The following WDPCP variants were observed in gnomAD, a reference collection of about 807,000 sequenced individuals.
WDPCP encodes WD repeat containing planar cell polarity effector.
WDPCP carries 71 observed loss-of-function variants against 93.1 expected under a neutral mutation model. That is an observed-to-expected ratio of 0.76 (90% CI 0.63 to 0.93). The LOEUF (loss-of-function observed/expected upper bound fraction) is 0.93. Among genes scored for constraint, WDPCP ranks in the 40% least tolerant of loss-of-function variants. The pLI is 0.00. For synonymous variants in WDPCP, 315 were observed against 315.0 expected (o/e 1.00, Z 0.00); for missense variants, 844 against 887.4 (o/e 0.95, Z 0.62).
intron 1 of WDPCP, among the ~76,000 whole-genome samples, chr2:63,580,971 A>C (rs1296577709): frequency 6.6e-6 from 1 of 152,244 alleles, no homozygotes; most frequent in Non-Finnish European, 1.5e-5. Context: ...ATGTGACAAC[A>C]TGTTTAAAAG....
intron 1 of WDPCP, among the ~76,000 whole-genome samples, chr2:63,522,109 G>A (rs905893493): frequency 2.0e-5 from 3 of 151,828 alleles, no homozygotes; most frequent in Non-Finnish European, 4.4e-5. Flanking sequence ...AGGTATACAC[G>A]TGCCATGGTG....
chr2:63,239,511 C>T (rs1463471961), intron 14 of WDPCP, among the ~76,000 whole-genome samples: 1 of 152,082 alleles, frequency 6.6e-6, no homozygotes, highest in East Asian at 1.9e-4. Flanking sequence ...AGTAGGCCAA[C>T]TACATAACAA....
chr2:63,162,000 C>T (rs1233041587), intron 15 of WDPCP, among the ~76,000 whole-genome samples: 1 of 152,096 alleles, frequency 6.6e-6, no homozygotes, highest in Admixed American at 6.5e-5. Context: ...GAACTCCTGA[C>T]CTCAAGTGAT....
At chr2:63,412,229 G>A (rs185459500) in intron 9 of WDPCP, among the ~76,000 whole-genome samples, 9 of 152,168 alleles carry the variant, frequency 5.9e-5, no homozygotes, top group South Asian at 2.1e-4. Context: ...TTTAACATAC[G>A]CAAGTCAATA....
At chr2:63,472,158 G>T (rs1483842328) in intron 6 of WDPCP, among the ~76,000 whole-genome samples, 1 of 151,578 alleles carries the variant, frequency 6.6e-6, no homozygotes, top group Non-Finnish European at 1.5e-5. Flanking sequence ...TATGTATCTT[G>T]CTGTTTTTTC....
At chr2:63,295,880 C>CA (rs59418675) in intron 13 of WDPCP, among the ~76,000 whole-genome samples, 1,423 of 115,076 alleles carry the variant, frequency 0.012, 9 homozygotes, top group South Asian at 0.019. Context: ...GAAACTATTC[C>CA]AAAAAAAAAA....
At chr2:63,528,089 T>G (rs1454618487) in intron 1 of WDPCP, among the ~76,000 whole-genome samples, 1 of 152,162 alleles carries the variant, frequency 6.6e-6, no homozygotes, top group Non-Finnish European at 1.5e-5. Flanking sequence ...CTTGTAAATT[T>G]GAGTTCTTTG....
At chr2:63,252,524 C>G (rs991196869) in intron 14 of WDPCP, among the ~76,000 whole-genome samples, 13 of 152,002 alleles carry the variant, frequency 8.6e-5, no homozygotes, top group African/African-American at 2.4e-5. Context: ...CATAGAAAAC[C>G]CTAAGGACTT....
intron 13 of WDPCP, among the ~76,000 whole-genome samples, chr2:63,290,558 T>C (rs946846658): frequency 2.6e-5 from 4 of 152,292 alleles, no homozygotes; most frequent in South Asian, 2.1e-4. Flanking sequence ...GGTATCATTT[T>C]TGTCCTATCT....
At chr2:63,779,465 A>C (rs1000828562) in intron 2 of WDPCP, among the ~76,000 whole-genome samples, 3 of 152,182 alleles carry the variant, frequency 2.0e-5, no homozygotes, top group African/African-American at 7.2e-5. Flanking sequence ...AGAAGAGCCA[A>C]AATAAAATTT....
In WDPCP at chr2:63,510,610, C is replaced by T. The variant is rs1292401943; in HGVS notation, c.76-17670G>A. On this transcript the variant is annotated intron_variant, in intron 1 of 17. Coordinates refer to ENST00000272321, the MANE Select transcript of WDPCP (RefSeq NM_015910.7). ...TATCAGGAAAAAGAAAGAAATAAAGCGTATTCAAATAGGAAGAGAGGAAAT... is the reference window on the plus strand; with the variant it reads ...TATCAGGAAAAAGAAAGAAATAAAGTGTATTCAAATAGGAAGAGAGGAAAT... Among the ~76,000 whole-genome samples the T allele has an allele frequency of 2.6e-5, 4 of 152,102 alleles. No individual in the cohort carries two copies. The East Asian group carries it at 5.8e-4, about 22-fold the overall frequency.
At chr2:63,599,279 G>T in intron 3 of WDPCP, 1 of 1,611,700 alleles carries the variant, frequency 6.2e-7, no homozygotes, top group South Asian at 1.1e-5. Context: ...GATCACAACC[G>T]AGCTAAAGCT....
intron 2 of WDPCP, among the ~76,000 whole-genome samples, chr2:63,677,475 A>G (rs1172203704): frequency 1.3e-5 from 2 of 152,162 alleles, no homozygotes; most frequent in East Asian, 3.8e-4. Context: ...AAAAAAATTC[A>G]AAGCAGAAAA....
At chr2:63,661,144 A>G (rs954536048) in intron 2 of WDPCP, among the ~76,000 whole-genome samples, 2 of 152,160 alleles carry the variant, frequency 1.3e-5, no homozygotes, top group East Asian at 3.8e-4. Flanking sequence ...CACAGTTTTT[A>G]TGGGTTCTGT....
chr2:63,318,936 A>G (rs1468427943), intron 12 of WDPCP, among the ~76,000 whole-genome samples: 2 of 152,240 alleles, frequency 1.3e-5, no homozygotes, highest in Non-Finnish European at 2.9e-5. Context: ...AGTGCAAGAA[A>G]AAAAGAATAA....
chr2:63,577,473 C>T (rs1708195342), intron 1 of WDPCP, among the ~76,000 whole-genome samples: 1 of 151,958 alleles, frequency 6.6e-6, no homozygotes, highest in Non-Finnish European at 1.5e-5. Flanking sequence ...CTCATTTTTC[C>T]CTTCCTTTAT....
At chr2:63,150,047 A>C (rs1671786095) in intron 17 of WDPCP, among the ~76,000 whole-genome samples, 1 of 152,164 alleles carries the variant, frequency 6.6e-6, no homozygotes, top group Admixed American at 6.5e-5. Flanking sequence ...ATATGGGAAA[A>C]CCATAAAGAC....
chr2:63,738,096 A>T (rs560852728), intron 2 of WDPCP, among the ~76,000 whole-genome samples: 1 of 152,264 alleles, frequency 6.6e-6, no homozygotes, highest in South Asian at 2.1e-4. Flanking sequence ...GTCTGGAGAC[A>T]TATTCTGACA....
Position 63,452,042 on chromosome 2 carries a change from T to G in WDPCP, c.385-12171A>C, listed in dbSNP as rs185920550. Among the ~76,000 whole-genome samples, 95 of 152,330 alleles carry G rather than the reference T, an allele frequency of 6.2e-4. No homozygotes were observed. The East Asian group carries it at 0.016, about 26-fold the overall frequency. On this transcript the variant is annotated intron_variant, in intron 6 of 17. Transcript: ENST00000272321. ...TTTGAAAACTGGCACAAGACAGAGA[T>G]GCCCTCTCTCACCACTCCTATTCAA...
Sources: gnomAD v4.1 joint callset for allele counts (sites outside exome capture counted in the v4.1 genomes callset) on GRCh38, gnomAD v4.1.1 for gene constraint, MANE v1.5 for transcripts, NCBI Gene and HGNC (gene_info 2026-07-23, HGNC 2026-07-21) for gene names.